The following SRGAP3 variants were observed in gnomAD, a reference collection of about 807,000 sequenced individuals.
SRGAP3 encodes the protein SLIT-ROBO Rho GTPase activating protein 3, also known as SLIT-ROBO Rho GTPase-activating protein 3.
In SRGAP3, 39 loss-of-function variants were observed where a neutral mutation model predicts 121.1. The observed-to-expected ratio is 0.32, with a 90% confidence interval of 0.25 to 0.42. The LOEUF (loss-of-function observed/expected upper bound fraction) is 0.42. SRGAP3 is among the 10% of genes least tolerant of loss of function. SRGAP3 has a pLI of 1.00. For missense variants in SRGAP3, 1,213 were observed against 1,470.6 expected (o/e 0.82, Z 2.86); for synonymous variants, 601 against 570.0 (o/e 1.05, Z -0.77).
At chr3:9,028,109 G>A (rs2125077206) in intron 12 of SRGAP3, 1 of 1,614,160 alleles carries the variant, frequency 6.2e-7, no homozygotes, top group Non-Finnish European at 8.5e-7. Context: ...CCTGGTTCCT[G>A]GTTCGAGCAT....
At chr3:9,183,241 G>C (rs1951484816) in intron 1 of SRGAP3, among the ~76,000 whole-genome samples, 1 of 152,210 alleles carries the variant, frequency 6.6e-6, no homozygotes, top group Non-Finnish European at 1.5e-5. Context: ...TGCTGGCAGG[G>C]AAGAGTGTGC....
chr3:9,126,618 A>AAACTAACTAACTAACT (rs71049772), intron 1 of SRGAP3, among the ~76,000 whole-genome samples: 4 of 150,760 alleles, frequency 2.7e-5, no homozygotes, highest in African/African-American at 9.8e-5. Flanking sequence ...CCTGTCTCAA[A>AAACTAACTAACTAACT]AACTAACTAA....
chr3:9,267,171 A>G (rs1207023052), intron 3 of SRGAP3, among the ~76,000 whole-genome samples: 1 of 152,182 alleles, frequency 6.6e-6, no homozygotes, highest in Non-Finnish European at 1.5e-5. Flanking sequence ...TAGGACATCT[A>G]TGGTATCCCA....
At chr3:9,097,666 C>T (rs924695309) in intron 3 of SRGAP3, among the ~76,000 whole-genome samples, 9 of 152,210 alleles carry the variant, frequency 5.9e-5, no homozygotes, top group African/African-American at 1.7e-4. Context: ...GCCTGGGGAA[C>T]GTATTCCCCC....
At chr3:9,059,736 G>A (rs1040775383) in intron 6 of SRGAP3, 4 of 201,366 alleles carry the variant, frequency 2.0e-5, no homozygotes, top group South Asian at 9.1e-5. Flanking sequence ...GATTTCTCCC[G>A]AGATAACTTC....
At chr3:9,013,881 T>G (rs762610483) in intron 15 of SRGAP3, 39 bp from the exon 16 acceptor site, 69 of 1,591,640 alleles carry the variant, frequency 4.3e-5, no homozygotes, top group Non-Finnish European at 5.4e-5. Context: ...CCTTTCATCC[T>G]CAGAGAGCAA....
chr3:9,087,066 A>G (rs1947533691), intron 3 of SRGAP3, among the ~76,000 whole-genome samples: 1 of 151,942 alleles, frequency 6.6e-6, no homozygotes, highest in East Asian at 1.9e-4. Flanking sequence ...ATACATATAA[A>G]ATACACATTA....
chr3:9,171,426 T>G (rs1028086672), intron 1 of SRGAP3, among the ~76,000 whole-genome samples: 5 of 152,184 alleles, frequency 3.3e-5, no homozygotes, highest in African/African-American at 9.7e-5. Context: ...CCCACAGTGC[T>G]AACAGCACAG....
chr3:9,331,525 C>T (rs1303908535), intron 1 of SRGAP3, among the ~76,000 whole-genome samples: 1 of 152,198 alleles, frequency 6.6e-6, no homozygotes, highest in Non-Finnish European at 1.5e-5. Context: ...ACCCCAGCCC[C>T]ATATGTCCTA....
intron 1 of SRGAP3, among the ~76,000 whole-genome samples, chr3:9,156,132 C>T (rs1325388738): frequency 2.0e-5 from 3 of 152,188 alleles, no homozygotes; most frequent in Non-Finnish European, 4.4e-5. Context: ...TTCCTTTCTT[C>T]AGCCCCTGCA....
intron 3 of SRGAP3, among the ~76,000 whole-genome samples, chr3:9,288,425 C>A (rs1954816928): frequency 6.6e-6 from 1 of 151,918 alleles, no homozygotes; most frequent in African/African-American, 2.4e-5. Context: ...GCATGAGCCA[C>A]CACATCCAGC....
intron 4 of SRGAP3, among the ~76,000 whole-genome samples, chr3:9,072,911 C>T (rs1946787896): frequency 6.6e-6 from 1 of 152,208 alleles, no homozygotes; most frequent in Non-Finnish European, 1.5e-5. Context: ...TCACCCCTTT[C>T]AGCTCTCTGA....
intron 1 of SRGAP3, among the ~76,000 whole-genome samples, chr3:9,186,751 G>T (rs1951606090): frequency 6.6e-6 from 1 of 152,096 alleles, no homozygotes; most frequent in African/African-American, 2.4e-5. Context: ...TAAGGTGGAT[G>T]TTTATTTCCA....
intron 3 of SRGAP3, among the ~76,000 whole-genome samples, chr3:9,272,111 T>C (rs1954488680): frequency 6.6e-6 from 1 of 152,254 alleles, no homozygotes; most frequent in Admixed American, 6.5e-5. Context: ...ACTGGGCAGC[T>C]AGGACCTTAC....
chr3:9,046,050 G>C (rs59975940), intron 10 of SRGAP3, among the ~76,000 whole-genome samples: 1 of 151,866 alleles, frequency 6.6e-6, no homozygotes, highest in Admixed American at 6.6e-5. Flanking sequence ...CTGAAATGTC[G>C]GGATGGGTAA....
At chr3:9,059,034 T>C (rs1310261948) in intron 6 of SRGAP3, 3 of 158,022 alleles carry the variant, frequency 1.9e-5, no homozygotes, top group African/African-American at 7.2e-5. Context: ...GTGGTGTGCA[T>C]GCATCCCCTC....
chr3:9,032,337 T>G (rs1408166382), intron 12 of SRGAP3, among the ~76,000 whole-genome samples: 2 of 152,242 alleles, frequency 1.3e-5, no homozygotes, highest in Non-Finnish European at 2.9e-5. Flanking sequence ...GTGTTAGGAC[T>G]GCAGTTGCTG....
chr3:9,360,324 T>G (rs1575036244), intron 1 of SRGAP3, among the ~76,000 whole-genome samples: 1 of 152,188 alleles, frequency 6.6e-6, no homozygotes, highest in African/African-American at 2.4e-5. Flanking sequence ...TATATCCCAA[T>G]AAACCCACCA....
intron 2 of SRGAP3, among the ~76,000 whole-genome samples, chr3:9,118,340 C>T (rs1948877828): frequency 6.6e-6 from 1 of 152,332 alleles, no homozygotes; most frequent in African/African-American, 2.4e-5. Context: ...GAAAAAGTCT[C>T]ATTCCCAGGA....
Sources: gnomAD v4.1 joint callset for allele counts (sites outside exome capture counted in the v4.1 genomes callset) on GRCh38, gnomAD v4.1.1 for gene constraint, MANE v1.5 for transcripts, NCBI Gene and HGNC (gene_info 2026-07-23, HGNC 2026-07-21) for gene names.